Variants in MACROD1 observed in about 807,000 individuals in gnomAD.
MACROD1 encodes ADP-ribose glycohydrolase MACROD1.
MACROD1 carries 31 observed loss-of-function variants against 41.4 expected under a neutral mutation model. That is an observed-to-expected ratio of 0.75 (90% CI 0.56 to 1.01). MACROD1 has a LOEUF of 1.01. Among genes scored for constraint, MACROD1 ranks in the 50% least tolerant of loss-of-function variants. The pLI is 0.00. For missense variants in MACROD1, 473 were observed against 460.0 expected (o/e 1.03, Z -0.26); for synonymous variants, 252 against 203.4 (o/e 1.24, Z -2.03).
intron 1 of MACROD1, among the ~76,000 whole-genome samples, chr11:64,163,714 AC>A: frequency 6.6e-6 from 1 of 152,220 alleles, no homozygotes; most frequent in Non-Finnish European, 1.5e-5. Flanking sequence ...AGCTAGAACC[AC>A]CCAGCTAAGC....
chr11:64,030,253 C>T (rs929291249), intron 3 of MACROD1, among the ~76,000 whole-genome samples: 8 of 152,106 alleles, frequency 5.3e-5, no homozygotes, highest in Non-Finnish European at 7.4e-5. Flanking sequence ...CCCCAGGAGC[C>T]ATCATCTCCG....
intron 3 of MACROD1, among the ~76,000 whole-genome samples, chr11:64,038,975 G>A (rs556742658): frequency 2.0e-5 from 3 of 152,130 alleles, no homozygotes; most frequent in Non-Finnish European, 2.9e-5. Context: ...CAGAGTTCAT[G>A]CCTAGCAATG....
At chr11:64,074,466 G>A (rs1424355586) in intron 3 of MACROD1, among the ~76,000 whole-genome samples, 1 of 152,198 alleles carries the variant, frequency 6.6e-6, no homozygotes, top group Non-Finnish European at 1.5e-5. Context: ...GTGGGAGGGA[G>A]GACCTGTCAT....
intron 3 of MACROD1, among the ~76,000 whole-genome samples, chr11:64,048,717 C>CA (rs1026940769): frequency 6.6e-6 from 1 of 152,174 alleles, no homozygotes; most frequent in Admixed American, 6.5e-5. Flanking sequence ...ATGAGAAAAC[C>CA]AAGGCTCTGC....
At chr11:64,034,528 CGCATGCA>C (rs1456997549) in intron 3 of MACROD1, among the ~76,000 whole-genome samples, 1 of 152,132 alleles carries the variant, frequency 6.6e-6, no homozygotes, top group African/African-American at 2.4e-5. Context: ...CAAAGACAGG[CGCATGCA>C]GAGCGCACAG....
intron 3 of MACROD1, among the ~76,000 whole-genome samples, chr11:64,123,056 A>T (rs1945123887): frequency 6.6e-6 from 1 of 152,108 alleles, no homozygotes; most frequent in Admixed American, 6.5e-5. Context: ...CAACAAGGAG[A>T]ACTGGATGCA....
chr11:64,154,143 C>T (rs900485680), intron 1 of MACROD1, among the ~76,000 whole-genome samples: 4 of 152,148 alleles, frequency 2.6e-5, no homozygotes, highest in African/African-American at 9.7e-5. Flanking sequence ...AGATTCAAAA[C>T]GCTCTTTAAG....
Position 64,100,462 on chromosome 11 carries a change from T to C in MACROD1, c.517+50777A>G, listed in dbSNP as rs144372373. Among the ~76,000 whole-genome samples the C allele has an allele frequency of 5.1e-3, 775 of 152,298 alleles. 6 individuals carry two copies. Among genetic ancestry groups the C allele is most frequent in the African/African-American group, 0.018 (744 of 41,556 alleles). Reference sequence around the variant, plus strand: ...GAGCACAGAGACCAGACCTGGAGCCTGTGGGAACGGGGGAGGCCAAGGCGA... The same window carrying C: ...GAGCACAGAGACCAGACCTGGAGCCCGTGGGAACGGGGGAGGCCAAGGCGA... On this transcript the variant is annotated intron_variant, in intron 3 of 10. Coordinates refer to ENST00000255681, the MANE Select transcript of MACROD1 (RefSeq NM_014067.4).
chr11:64,154,596 C>T (rs1945638257), intron 1 of MACROD1, among the ~76,000 whole-genome samples: 2 of 152,216 alleles, frequency 1.3e-5, no homozygotes, highest in African/African-American at 2.4e-5. Flanking sequence ...TCTCTCCCAC[C>T]TCACTCCCAA....
rs185133112 is a variant in MACROD1, at chr11:64,082,214, T to C, written c.518-66933A>G. Among the ~76,000 whole-genome samples, 371 of 152,026 alleles carry C rather than the reference T, an allele frequency of 2.4e-3. No individual in the cohort carries two copies. The highest frequency in any genetic ancestry group is 8.4e-3 in the African/African-American group (349 of 41,436). On this transcript the variant is annotated intron_variant, in intron 3 of 10. Transcript: ENST00000255681. This position sits in a 1 kb window ranked among gnomAD's most constrained non-coding sequence, Gnocchi z 4.5. ...CAGGCGCGAAACATCCCTTAAATAT[T>C]GGTGCTCTCGGCAGCACTGGGCCCC... is the stretch of plus-strand genomic sequence containing the variant.
chr11:64,008,099 A>G (rs934170230), intron 4 of MACROD1, among the ~76,000 whole-genome samples: 4 of 152,210 alleles, frequency 2.6e-5, no homozygotes, highest in African/African-American at 9.6e-5. Flanking sequence ...AGCGCTGAAT[A>G]CTTAGAGGCC....
intron 3 of MACROD1, chr11:64,117,301 C>T: frequency 6.2e-7 from 1 of 1,614,158 alleles, no homozygotes. Context: ...TGGGTGAAGG[C>T]ACGGGCGGCC....
intron 3 of MACROD1, 147 bp downstream of exon 3, chr11:64,151,092 T>C (rs1420843438): frequency 3.0e-6 from 2 of 660,178 alleles, no homozygotes; most frequent in Non-Finnish European, 5.3e-6. Context: ...GGCCGACACG[T>C]TGGGCTGCCA....
Position 64,082,625 on chromosome 11 carries a change from G to GGC in MACROD1, c.518-67346_518-67345dup, listed in dbSNP as rs1418489205. Among the ~76,000 whole-genome samples the GGC allele has an allele frequency of 1.3e-5, 2 of 152,098 alleles. No homozygotes were observed. The highest frequency in any genetic ancestry group is 2.4e-5 in the African/African-American group (1 of 41,412). On this transcript the variant is annotated intron_variant, in intron 3 of 10. Transcript: ENST00000255681. The surrounding 1 kb of genome is among the most constrained non-coding windows in gnomAD (Gnocchi z 4.5). ...GCTGAAGACGGAACCTCTGAGTGCA[G>GGC]GCACCAGGTGGGAGGGTGGGGACCC...
At chr11:64,069,242 G>A (rs1050393072) in intron 3 of MACROD1, among the ~76,000 whole-genome samples, 2 of 152,160 alleles carry the variant, frequency 1.3e-5, no homozygotes, top group African/African-American at 2.4e-5. Context: ...ACCTGGATCC[G>A]CAGTTCTACC....
At chr11:64,158,066 G>C (rs1034453098) in intron 1 of MACROD1, among the ~76,000 whole-genome samples, 5 of 152,194 alleles carry the variant, frequency 3.3e-5, no homozygotes, top group Non-Finnish European at 7.4e-5. Flanking sequence ...CCGACTCCCA[G>C]GGGTACCTGG....
At chr11:64,000,133 C>T in intron 5 of MACROD1, 94 bp downstream of exon 5, 2 of 1,000,104 alleles carry the variant, frequency 2.0e-6, no homozygotes, top group South Asian at 1.5e-5. Flanking sequence ...TGAGGAGTTC[C>T]CCAGCACTCC....
chr11:64,138,579 G>A (rs1190727694), intron 3 of MACROD1: 10 of 984,814 alleles, frequency 1.0e-5, no homozygotes, highest in African/African-American at 5.2e-5. Context: ...TAAAACAGCC[G>A]CGGGCCCTGC....
At chr11:64,017,280 C>T (rs1158934724) in intron 3 of MACROD1, among the ~76,000 whole-genome samples, 3 of 152,160 alleles carry the variant, frequency 2.0e-5, no homozygotes, top group African/African-American at 4.8e-5. Context: ...CATGAATGTA[C>T]ATTTCTGCTG....
Sources: gnomAD v4.1 joint callset for allele counts (sites outside exome capture counted in the v4.1 genomes callset) on GRCh38, gnomAD v4.1.1 for gene constraint, Gnocchi (gnomAD v3.1) non-coding constraint, MANE v1.5 for transcripts, NCBI Gene and HGNC (gene_info 2026-07-23, HGNC 2026-07-21) for gene names.